Variants in ADCY10 observed in about 807,000 individuals in gnomAD.
The protein encoded by ADCY10 is adenylate cyclase 10, also known as adenylate cyclase type 10.
A neutral mutation model predicts 183.3 loss-of-function variants in ADCY10; 156 were observed. The ratio of observed to expected loss-of-function variants is 0.85; its 90% confidence interval spans 0.75 to 0.97. The LOEUF (loss-of-function observed/expected upper bound fraction) is 0.97. Among genes scored for constraint, ADCY10 ranks in the 50% least tolerant of loss-of-function variants. The pLI is 0.00. For synonymous variants in ADCY10, 645 were observed against 670.0 expected, an observed-to-expected ratio of 0.96 and a Z score of 0.58; for missense variants, 1,745 against 1,934.3, an observed-to-expected ratio of 0.90 and a Z score of 1.84.
At chr1:167,872,747 A>G (rs1667191137) in intron 13 of ADCY10, among the ~76,000 whole-genome samples, 1 of 149,350 alleles carries the variant, frequency 6.7e-6, no homozygotes, top group South Asian at 2.2e-4. Flanking sequence ...TGGTGGAATC[A>G]GTGCAAAAGG....
At chr1:167,859,202 TG>T (rs1666117558) in intron 16 of ADCY10, among the ~76,000 whole-genome samples, 1 of 152,186 alleles carries the variant, frequency 6.6e-6, no homozygotes, top group Admixed American at 6.5e-5. Flanking sequence ...AATATGGTTT[TG>T]GTGTTTATAA....
intron 11 of ADCY10, among the ~76,000 whole-genome samples, chr1:167,878,976 A>G (rs1033230574): frequency 2.6e-5 from 4 of 152,240 alleles, no homozygotes; most frequent in South Asian, 2.1e-4. Context: ...TTCTGCCACA[A>G]GGTGGACAAG....
intron 8 of ADCY10, among the ~76,000 whole-genome samples, 158 bp downstream of exon 8, chr1:167,893,695 C>CAAAAA (rs748872658): frequency 1.4e-5 from 1 of 70,186 alleles, no homozygotes; most frequent in Admixed American, 2.0e-4. Flanking sequence ...GACTCTGTCT[C>CAAAAA]AAAAAAAAAA....
Position 167,845,872 on chromosome 1 carries a change from G to A in ADCY10, c.2717-19C>T. Reference sequence around the variant, plus strand: ...CCGTGATCTGGAGAGAGCAAAAAGGGTTTTTCAGCCAGGCAGTGGGCAACA... The same window carrying A: ...CCGTGATCTGGAGAGAGCAAAAAGGATTTTTCAGCCAGGCAGTGGGCAACA... On this transcript the variant is annotated intron_variant, in intron 20 of 32. Coordinates refer to ENST00000367851, the MANE Select transcript of ADCY10 (RefSeq NM_018417.6). The A allele has an allele frequency of 6.2e-7, 1 of 1,614,052 alleles. No individual in the cohort carries two copies. Among genetic ancestry groups the A allele is most frequent in the Non-Finnish European group, 8.5e-7 (1 of 1,180,022 alleles).
At chr1:167,863,494 G>A (rs186336732) in intron 14 of ADCY10, among the ~76,000 whole-genome samples, 53 of 152,130 alleles carry the variant, frequency 3.5e-4, no homozygotes, top group African/African-American at 1.1e-3. Context: ...CTAGCCTGCC[G>A]ATTCTCCCAG....
At chr1:167,899,348 C>A in intron 6 of ADCY10, 75 bp downstream of exon 6, 1 of 1,442,974 alleles carries the variant, frequency 6.9e-7, no homozygotes, top group Non-Finnish European at 9.7e-7. Context: ...AACCAGCGTG[C>A]CCAGTGACTC....
At chr1:167,900,800 G>A (rs1254607920) in intron 5 of ADCY10, among the ~76,000 whole-genome samples, 5 of 152,146 alleles carry the variant, frequency 3.3e-5, no homozygotes, top group Non-Finnish European at 7.4e-5. Context: ...CCAAAGTGCT[G>A]GGATTACAGG....
At chr1:167,838,120 A>G (rs909686925) in intron 21 of ADCY10, among the ~76,000 whole-genome samples, 1 of 152,228 alleles carries the variant, frequency 6.6e-6, no homozygotes, top group Non-Finnish European at 1.5e-5. Flanking sequence ...CATACATCTT[A>G]TAGATGCAGT....
intron 30 of ADCY10, among the ~76,000 whole-genome samples, chr1:167,821,441 A>C (rs1267040276): frequency 2.0e-5 from 3 of 152,230 alleles, no homozygotes; most frequent in Non-Finnish European, 4.4e-5. Context: ...AGTATAACTC[A>C]GTCCGTGTCT....
chr1:167,881,409 T>A (rs1273448296), intron 9 of ADCY10, among the ~76,000 whole-genome samples: 1 of 152,338 alleles, frequency 6.6e-6, no homozygotes, highest in Non-Finnish European at 1.5e-5. Context: ...TACCTCAATT[T>A]CTTCAACCCT....
chr1:167,870,613 T>C (rs912159559), intron 13 of ADCY10, among the ~76,000 whole-genome samples: 3 of 126,886 alleles, frequency 2.4e-5, no homozygotes, highest in Non-Finnish European at 4.7e-5. Context: ...GCCAACATGA[T>C]GAAACCCTGC....
chr1:167,820,107 C>A lies in ADCY10; in HGVS notation c.4287-1840G>T. On this transcript the variant is annotated intron_variant, in intron 30 of 32. Coordinates refer to ENST00000367851, the MANE Select transcript of ADCY10 (RefSeq NM_018417.6). ...TTGGCTATGGTTGTCCTGACATCAA[C>A]GTTTCCTTTTGGACCATGACTCAGC... 3 of 1,566,810 alleles carry A rather than the reference C, an allele frequency of 1.9e-6. No individual in the cohort carries two copies. The South Asian group carries it at 3.5e-5, about 18-fold the overall frequency.
chr1:167,913,472 C>T (rs1198847413), intron 1 of ADCY10, among the ~76,000 whole-genome samples: 9 of 152,148 alleles, frequency 5.9e-5, no homozygotes, highest in Admixed American at 5.9e-4. Context: ...CCTACTCTAG[C>T]CATGGTAATT....
In ADCY10 at chr1:167,848,391, T is replaced by A; in HGVS notation, c.2407A>T (p.Lys803Ter). The A allele has an allele frequency of 6.2e-7, 1 of 1,614,058 alleles. No homozygotes were observed. The highest frequency in any genetic ancestry group is 8.5e-7 in the Non-Finnish European group (1 of 1,179,958). Reference sequence around the variant, plus strand: ...AATGACGTTGGAGGTGACAGGTTTTTCAGTCTGACACCACTTGTGAGGTGA... The same window carrying A: ...AATGACGTTGGAGGTGACAGGTTTTACAGTCTGACACCACTTGTGAGGTGA... ...VCHLTSGVRL[K>*]NLSPPTSLKE... Residue 803 changes from lysine (K) to a stop codon, truncating the protein, a stop_gained, in exon 19 of 33, where the codon AAA becomes TAA. Transcript: ENST00000367851. LOFTEE classifies it high-confidence loss of function.
rs765960946 is a variant in ADCY10, at chr1:167,856,356, A to T, written c.1980T>A (p.Leu660=). ...TGATGAAGATAGGAAGAGTCCGGAT[A>T]AGCTTCTCCATAAATCTCCAGGAGG... The part of the protein sequence containing the change: ...DSTSWRFMEK[L]IRTLPIFIIM... Residue 660 remains leucine (L), a synonymous_variant, in exon 17 of 33, where the codon CTT becomes CTA. Coordinates refer to ENST00000367851, the MANE Select transcript of ADCY10 (RefSeq NM_018417.6). 1 of 1,614,138 alleles carries T rather than the reference A, an allele frequency of 6.2e-7. No homozygotes were observed. Among genetic ancestry groups the T allele is most frequent in the South Asian group, 1.1e-5 (1 of 91,078 alleles).
intron 21 of ADCY10, 111 bp downstream of exon 21, chr1:167,845,452 C>A: frequency 8.7e-7 from 1 of 1,149,108 alleles, no homozygotes; most frequent in Non-Finnish European, 1.3e-6. Flanking sequence ...TCTTTGTGCC[C>A]AAGCCGCTTA....
At chr1:167,873,497 T>C (rs1558216570) in intron 13 of ADCY10, among the ~76,000 whole-genome samples, 1 of 152,290 alleles carries the variant, frequency 6.6e-6, no homozygotes, top group East Asian at 1.9e-4. Context: ...TGATAAGACT[T>C]TTGGGGATGT....
At chr1:167,859,921 G>A (rs553858818) in intron 15 of ADCY10, 28 bp from the exon 16 acceptor site, 1 of 1,537,860 alleles carries the variant, frequency 6.5e-7, no homozygotes, top group South Asian at 1.1e-5. Context: ...AGAATATTGA[G>A]TATGGGAAAA....
intron 5 of ADCY10, among the ~76,000 whole-genome samples, chr1:167,900,477 A>C (rs1669327675): frequency 6.6e-6 from 1 of 152,200 alleles, no homozygotes; most frequent in South Asian, 2.1e-4. Context: ...TAACTTAGAA[A>C]AAATATTCAG....
Sources: gnomAD v4.1 joint callset for allele counts (sites outside exome capture counted in the v4.1 genomes callset) on GRCh38, gnomAD v4.1.1 for gene constraint, MANE v1.5 for transcripts, NCBI Gene and HGNC (gene_info 2026-07-23, HGNC 2026-07-21) for gene names.